Variants in SAMD4A observed in about 807,000 individuals in gnomAD.
SAMD4A encodes the protein sterile alpha motif domain containing 4A, also known as protein Smaug homolog 1.
Under a neutral mutation model 81.3 loss-of-function variants are expected in SAMD4A, and 33 were observed. That is an observed-to-expected ratio of 0.41 (90% CI 0.31 to 0.54). SAMD4A has a LOEUF of 0.54. Among genes scored for constraint, SAMD4A ranks in the 20% least tolerant of loss-of-function variants. The probability of loss-of-function intolerance (pLI) is 0.37; values close to 1 mark genes in which losing one functional copy is unlikely to be tolerated. For missense variants in SAMD4A, 854 were observed against 951.1 expected (o/e 0.90, Z 1.34); for synonymous variants, 389 against 382.1 (o/e 1.02, Z -0.21).
chr14:54,746,489 C>T (rs2037971469), intron 4 of SAMD4A, among the ~76,000 whole-genome samples: 2 of 152,192 alleles, frequency 1.3e-5, no homozygotes, highest in Non-Finnish European at 2.9e-5. Context: ...GAGGCCAGCT[C>T]TTCCACTCCT....
At chr14:54,785,764 G>T (rs1482469544) in intron 12 of SAMD4A, among the ~76,000 whole-genome samples, 5 of 152,230 alleles carry the variant, frequency 3.3e-5, no homozygotes, top group Non-Finnish European at 4.4e-5. Context: ...ATATGAAATA[G>T]ATCAGTGCTC....
rs1052432900 is a variant in SAMD4A at position 54,651,690 on chromosome 14, G to A, written c.197-50372G>A. On this transcript the variant is annotated intron_variant, in intron 2 of 12. Transcript: ENST00000554335. ...GCATATTTTATTTGAGATTTTCAGG[G>A]TATAAATGTCGATGCAATTTCCTTT... 4.6e-5 allele frequency among the ~76,000 whole-genome samples: 7 copies of A among 152,220 alleles called. No homozygotes were observed. In the South Asian group the frequency reaches 1.2e-3, roughly 27 times the overall value.
At chr14:54,738,380 G>A (rs2037752577) in intron 4 of SAMD4A, among the ~76,000 whole-genome samples, 1 of 152,172 alleles carries the variant, frequency 6.6e-6, no homozygotes, top group African/African-American at 2.4e-5. Flanking sequence ...CTGGGAATGA[G>A]GCTGACAAGA....
intron 2 of SAMD4A, among the ~76,000 whole-genome samples, chr14:54,666,794 A>C (rs895602538): frequency 1.3e-5 from 2 of 152,170 alleles, no homozygotes; most frequent in African/African-American, 2.4e-5. Flanking sequence ...GATTACCATA[A>C]GCCTATAGAC....
intron 2 of SAMD4A, among the ~76,000 whole-genome samples, chr14:54,627,787 A>C (rs2034801488): frequency 6.6e-6 from 1 of 152,228 alleles, no homozygotes; most frequent in Non-Finnish European, 1.5e-5. Context: ...AAAAAGTAAT[A>C]TTATGTATAA....
chr14:54,586,824 A>G (rs2033635038), intron 2 of SAMD4A, among the ~76,000 whole-genome samples: 1 of 152,078 alleles, frequency 6.6e-6, no homozygotes, highest in South Asian at 2.1e-4. Context: ...TTTTGTGACT[A>G]TGGCCTTGTA....
intron 2 of SAMD4A, among the ~76,000 whole-genome samples, chr14:54,692,392 T>G (rs909597413): frequency 6.6e-6 from 1 of 152,242 alleles, no homozygotes; most frequent in African/African-American, 2.4e-5. Context: ...CTCTGTTGAC[T>G]GTCTGGACAT....
At chr14:54,693,160 T>C (rs1366739416) in intron 2 of SAMD4A, 2 of 152,210 alleles carry the variant, frequency 1.3e-5, no homozygotes, top group African/African-American at 4.8e-5. Context: ...AAAATTGAGC[T>C]AATCATTTTA....
intron 2 of SAMD4A, among the ~76,000 whole-genome samples, chr14:54,572,417 T>A (rs1415639556): frequency 6.6e-6 from 1 of 152,172 alleles, no homozygotes; most frequent in Non-Finnish European, 1.5e-5. Context: ...CAGAAGATAG[T>A]GTTATCCCCT....
chr14:54,787,666 C>T (rs541159562), intron 12 of SAMD4A, among the ~76,000 whole-genome samples: 10 of 152,332 alleles, frequency 6.6e-5, no homozygotes, highest in East Asian at 5.8e-4. Flanking sequence ...GGTCACTGAA[C>T]GCAGTTATTC....
intron 2 of SAMD4A, among the ~76,000 whole-genome samples, chr14:54,606,183 CTGTGTGTGTGTGTGTGTG>C (rs57209362): frequency 1.4e-5 from 2 of 146,570 alleles, no homozygotes; most frequent in Admixed American, 1.3e-4. Context: ...TACTTCTGGG[CTGTGTGTGTGTGTGTGTG>C]TGTGTGTGTG....
intron 2 of SAMD4A, among the ~76,000 whole-genome samples, chr14:54,601,350 T>A (rs2034047681): frequency 6.6e-6 from 1 of 152,232 alleles, no homozygotes; most frequent in African/African-American, 2.4e-5. Flanking sequence ...TGAGCCATTT[T>A]AAATCCATTA....
chr14:54,586,478 GT>G (rs2033620795), intron 2 of SAMD4A, among the ~76,000 whole-genome samples: 1 of 152,058 alleles, frequency 6.6e-6, no homozygotes, highest in Non-Finnish European at 1.5e-5. Context: ...TTGCTTTTGG[GT>G]TCTTGATCAT....
At chr14:54,679,944 G>C (rs915734965) in intron 2 of SAMD4A, among the ~76,000 whole-genome samples, 2 of 152,238 alleles carry the variant, frequency 1.3e-5, no homozygotes, top group Non-Finnish European at 2.9e-5. Flanking sequence ...GACATGATGG[G>C]ATAGTGACCT....
intron 6 of SAMD4A, among the ~76,000 whole-genome samples, chr14:54,759,395 C>T (rs2038331244): frequency 1.3e-5 from 2 of 152,192 alleles, no homozygotes; most frequent in Non-Finnish European, 2.9e-5. Context: ...TTGCTGTGCC[C>T]TCCACCTGGA....
chr14:54,760,318 G>T lies in SAMD4A; in HGVS notation c.1334G>T (p.Ser445Ile). ...CAGCCCTCACTGATGGGCCCCGAGAGCCAGAGCCCCGACTGCAAAGATGGG... is the reference window on the plus strand; with the variant it reads ...CAGCCCTCACTGATGGGCCCCGAGATCCAGAGCCCCGACTGCAAAGATGGG... ...PRQPSLMGPE[S>I]QSPDCKDGAA... The change falls in exon 7 of 13, where the codon AGC becomes ATC. Residue 445 changes from serine to isoleucine, a missense_variant. Physicochemically the swap from Ser to Ile is moderately radical, Grantham distance 142. Around this residue, in one of 3 missense-constraint regions of SAMD4A, gnomAD observed 428 missense variants for 471.2 expected, o/e 0.91. Transcript: ENST00000554335. 1 of 1,606,794 alleles carries T rather than the reference G, an allele frequency of 6.2e-7. No homozygotes were observed.
chr14:54,739,088 A>G (rs2037782215), intron 4 of SAMD4A, among the ~76,000 whole-genome samples: 1 of 90,902 alleles, frequency 1.1e-5, no homozygotes, highest in African/African-American at 5.6e-5. Context: ...GCCCTTATGC[A>G]CACTTTCAAC....
At chr14:54,740,439 A>T (rs957996629) in intron 4 of SAMD4A, among the ~76,000 whole-genome samples, 2 of 152,250 alleles carry the variant, frequency 1.3e-5, no homozygotes, top group African/African-American at 4.8e-5. Flanking sequence ...TCAAATCCAT[A>T]TGGAATGTGT....
rs1264261850 is a variant in SAMD4A at position 54,737,009 on chromosome 14, T to C, written c.716-15T>C. 1 of 1,612,128 alleles carries C rather than the reference T, an allele frequency of 6.2e-7. No homozygotes were observed. The highest frequency in any genetic ancestry group is 1.3e-5 in the African/African-American group (1 of 74,976). On this transcript the variant is annotated splice_polypyrimidine_tract_variant and intron_variant, in intron 3 of 12. Transcript: ENST00000554335. ...GGGGGGGGAATAACCTATTTCATTT[T>C]ATTTTTTTTTCCAGTTCTCTCAGGC...
Sources: gnomAD v4.1 joint callset for allele counts (sites outside exome capture counted in the v4.1 genomes callset) on GRCh38, gnomAD v4.1.1 for gene constraint, gnomAD v4.1.1 regional missense constraint, MANE v1.5 for transcripts, NCBI Gene and HGNC (gene_info 2026-07-23, HGNC 2026-07-21) for gene names.